NOD2: variants seen among roughly 807,000 people sequenced by gnomAD.
NOD2 encodes nucleotide binding oligomerization domain containing 2.
In NOD2, 86 loss-of-function variants were observed where a neutral mutation model predicts 90.9. The ratio of observed to expected loss-of-function variants is 0.95; its 90% CI spans 0.79 to 1.13. The LOEUF (loss-of-function observed/expected upper bound fraction) is 1.13, where lower values mean the gene tolerates loss of function less well. NOD2 is among the 50% of genes most tolerant of loss of function. The pLI, the probability that NOD2 is intolerant of heterozygous loss-of-function variation, is 0.00. For missense variants in NOD2, 1,238 were observed against 1,283.8 expected (o/e 0.96, Z 0.55); for synonymous variants, 581 against 554.6 (o/e 1.05, Z -0.67).
Position 50,711,944 on chromosome 16 carries a change from T to C in NOD2, c.1952T>C (p.Leu651Pro), listed in dbSNP as rs1477792915. 1 of 1,612,530 alleles carries C rather than the reference T, an allele frequency of 6.2e-7. No individual in the cohort carries two copies. Among genetic ancestry groups the C allele is most frequent in the East Asian group, 2.2e-5 (1 of 44,862 alleles). Residue 651 changes from leucine (L) to proline (P), a missense_variant, in exon 4 of 12, where the codon CTG becomes CCG. Transcript: ENST00000647318. ...AACCTTCAGATCACAGCAGCCTTCC[T>C]GGCAGGGCTGTTGTCCCGGGAGCAC... ...PHNLQITAAF[L>P]AGLLSREHWG...
At position 50,720,000 on chromosome 16, in the gene NOD2, G is replaced by T. The variant is rs200428513; in HGVS notation, c.2625G>T (p.Gln875His). Residue 875 changes from glutamine to histidine, a missense_variant, in exon 7 of 12, where the codon CAG becomes CAT. This residue lies in a region of NOD2 where 667 missense variants were observed against 688.7 expected (regional missense o/e 0.97). Transcript: ENST00000647318. ...AEGLRGNTSL[Q>H]FLGFWGNRVG... is the part of the protein sequence containing the mutation. ...GGCTCCGAGGCAACACCTCCTTGCA[G>T]TTCCTGGGGTAGGTTGGATTCCAGG... is the stretch of plus-strand genomic sequence containing the variant. 1.1e-5 allele frequency: 17 copies of T among 1,614,142 alleles called. No homozygotes were observed. In the Admixed American group the frequency reaches 2.2e-4, roughly 21 times the overall value.
Position 50,710,806 on chromosome 16 carries a change from G to A in NOD2, c.814G>A (p.Gly272Ser), listed in dbSNP as rs1371595174. The change falls in exon 4 of 12, where the codon GGT becomes AGT. Residue 272 changes from glycine to serine, a missense_variant. By Grantham distance (56) the Gly-to-Ser change is moderately conservative (BLOSUM62 0). Coordinates refer to ENST00000647318, the MANE Select transcript of NOD2 (RefSeq NM_001370466.1). ...CGATGCGGACACTGTGCTGGTGGTG[G>A]GTGAGGCGGGCAGTGGCAAGAGCAC... Reference protein sequence around the residue: ...NDDADTVLVVGEAGSGKSTLL... With the variant: ...NDDADTVLVVSEAGSGKSTLL... 6.2e-7 allele frequency: 1 copy of A among 1,613,984 alleles called. No homozygotes were observed. Among genetic ancestry groups the A allele is most frequent in the African/African-American group, 1.3e-5 (1 of 74,914 alleles).
At chr16:50,701,387 G>A (rs1963932141) in intron 2 of NOD2, among the ~76,000 whole-genome samples, 1 of 152,190 alleles carries the variant, frequency 6.6e-6, no homozygotes, top group Non-Finnish European at 1.5e-5. Flanking sequence ...AAATGTATGT[G>A]TTGTTCACAT....
intron 2 of NOD2, among the ~76,000 whole-genome samples, chr16:50,705,173 G>A (rs1363723696): frequency 6.6e-6 from 1 of 152,178 alleles, no homozygotes; most frequent in Non-Finnish European, 1.5e-5. Flanking sequence ...CATTTTTGAT[G>A]TCATGATTTT....
At chr16:50,702,866 C>T (rs1226036270) in intron 2 of NOD2, among the ~76,000 whole-genome samples, 2 of 152,152 alleles carry the variant, frequency 1.3e-5, no homozygotes, top group Non-Finnish European at 2.9e-5. Context: ...TATTCTCTGT[C>T]TGTCATAAAA....
chr16:50,716,594 G>T lies in NOD2; in HGVS notation c.2389G>T (p.Asp797Tyr), dbSNP rs61755272. 1.2e-6 allele frequency: 2 copies of T among 1,613,918 alleles called. No homozygotes were observed. The highest frequency in any genetic ancestry group is 3.3e-5 in the Admixed American group (2 of 60,024). The change falls in exon 5 of 12, where the codon GAT (aspartate) becomes TAT (tyrosine). Residue 797 changes from aspartate to tyrosine, a missense_variant. Transcript: ENST00000647318. ...TTTATTTTGTCTCTTTAGTTTGCGC[G>T]ATAACAATATCTCAGACCGAGGCAT... ...LGVCKALYLR[D>Y]NNISDRGICK... is the part of the protein sequence containing the mutation.
chr16:50,727,810 A>G (rs1262185769), intron 10 of NOD2: 3 of 361,216 alleles, frequency 8.3e-6, no homozygotes, highest in African/African-American at 2.1e-5. Context: ...CTTGCCGAGC[A>G]TACTTCTCAT....
chr16:50,715,796 T>G (rs1043521651), intron 4 of NOD2: 1 of 152,284 alleles, frequency 6.6e-6, no homozygotes, highest in African/African-American at 2.4e-5. Context: ...GCTGAGGCAC[T>G]CCAGAGCCTG....
Position 50,699,688 on chromosome 16 carries a change from G to A in NOD2, c.193G>A (p.Val65Ile), listed in dbSNP as rs187264529. 82 of 1,614,152 alleles carry A rather than the reference G, an allele frequency of 5.1e-5. No homozygotes were observed. The East Asian group carries it at 7.1e-4, about 14-fold the overall frequency. ...CTTGGCCAGGCGCCTTCTGGACACC[G>A]TCTGGAATAAGGGTACTTGGGCCTG... is the stretch of plus-strand genomic sequence containing the variant. Reference protein sequence around the residue: ...SHLARRLLDTVWNKGTWACQK... With the variant: ...SHLARRLLDTIWNKGTWACQK... The change falls in exon 2 of 12, where the codon GTC (valine) becomes ATC (isoleucine). Residue 65 changes from valine to isoleucine, a missense_variant. Physicochemically the swap from Val to Ile is conservative, Grantham distance 29 (BLOSUM62 3). Around this residue, in one of 3 missense-constraint regions of NOD2, gnomAD observed 567 missense variants for 577.3 expected, o/e 0.98. Coordinates refer to ENST00000647318, the MANE Select transcript of NOD2 (RefSeq NM_001370466.1).
chr16:50,722,562 G>A lies in NOD2; in HGVS notation c.2634-60G>A. On this transcript the variant is annotated intron_variant, in intron 7 of 11. Coordinates refer to ENST00000647318, the MANE Select transcript of NOD2 (RefSeq NM_001370466.1). ...AGAGGGAGGAGGACTGTTAGTTCAT[G>A]TCTAGAACACATATCAGGTACTCAC... 5 of 1,489,684 alleles carry A rather than the reference G, an allele frequency of 3.4e-6. No individual in the cohort carries two copies. In the South Asian group the frequency reaches 4.5e-5, roughly 13 times the overall value. The allele number at this position is 1,489,684 out of a possible 1,614,324, so 92.3% of individuals were successfully genotyped here.
intron 2 of NOD2, among the ~76,000 whole-genome samples, chr16:50,702,348 A>G (rs2150787933): frequency 6.6e-6 from 1 of 152,354 alleles, no homozygotes; most frequent in Admixed American, 6.5e-5. Context: ...GGGAGACAAC[A>G]GATCTGAGGA....
chr16:50,708,078 C>A, intron 3 of NOD2, 118 bp downstream of exon 3: 1 of 753,886 alleles, frequency 1.3e-6, no homozygotes. Flanking sequence ...CTCCCTATGA[C>A]TCAATTTCCT....
At chr16:50,721,585 T>C (rs1965064592) in intron 7 of NOD2, among the ~76,000 whole-genome samples, 2 of 152,088 alleles carry the variant, frequency 1.3e-5, no homozygotes, top group African/African-American at 4.8e-5. Flanking sequence ...CTTGAACTCC[T>C]GAGCTCAAGT....
Position 50,699,688 on chromosome 16 carries a change from G to C in NOD2, c.193G>C (p.Val65Leu). The C allele has an allele frequency of 6.2e-7, 1 of 1,614,152 alleles. No homozygotes were observed. The highest frequency in any genetic ancestry group is 8.5e-7 in the Non-Finnish European group (1 of 1,180,032). Reference protein sequence around the residue: ...SHLARRLLDTVWNKGTWACQK... With the variant: ...SHLARRLLDTLWNKGTWACQK... Reference sequence around the variant, plus strand: ...CTTGGCCAGGCGCCTTCTGGACACCGTCTGGAATAAGGGTACTTGGGCCTG... The same window carrying C: ...CTTGGCCAGGCGCCTTCTGGACACCCTCTGGAATAAGGGTACTTGGGCCTG... The change falls in exon 2 of 12, where the codon GTC becomes CTC. Residue 65 changes from valine to leucine, a missense_variant. By Grantham distance (32) the Val-to-Leu change is conservative. Transcript: ENST00000647318.
At chr16:50,704,532 C>CTTTTTTTTTTT (rs71715899) in intron 2 of NOD2, among the ~76,000 whole-genome samples, 2 of 145,574 alleles carry the variant, frequency 1.4e-5, no homozygotes, top group Non-Finnish European at 1.5e-5. Context: ...ATTCCAAAAC[C>CTTTTTTTTTTT]TTTTTTTTTT....
intron 3 of NOD2, 123 bp downstream of exon 3, chr16:50,708,083 T>C (rs1964283641): frequency 1.3e-6 from 1 of 741,124 alleles, no homozygotes; most frequent in African/African-American, 1.7e-5. Flanking sequence ...TATGACTCAA[T>C]TTCCTTGTTT....
intron 2 of NOD2, among the ~76,000 whole-genome samples, chr16:50,706,101 C>T (rs1051345690): frequency 5.3e-5 from 8 of 152,098 alleles, no homozygotes; most frequent in African/African-American, 2.4e-5. Context: ...TGAAGGAGGA[C>T]AGGGAATTAG....
At chr16:50,723,149 AAAAAAG>A in intron 8 of NOD2, 146 bp from the exon 9 acceptor site, 1 of 634,464 alleles carries the variant, frequency 1.6e-6, no homozygotes, top group Non-Finnish European at 2.8e-6. Context: ...GAAAAAAAAA[AAAAAAG>A]AAAAAAGAAA....
At position 50,731,775 on chromosome 16, in the gene NOD2, G is replaced by T; in HGVS notation, c.2998G>T (p.Glu1000Ter). ...CCGAGGGAACACTTTCTCTCTAGAG[G>T]AGGTTGACAAGCTCGGCTGCAGGGA... ...WLRGNTFSLE[E>*]VDKLGCRDTR... Residue 1000 changes from glutamate to a stop codon, truncating the protein, a stop_gained, in exon 12 of 12, where the codon GAG (glutamate) becomes TAG (stop). Transcript: ENST00000647318. LOFTEE classifies it high-confidence loss of function. The T allele has an allele frequency of 6.2e-7, 1 of 1,613,902 alleles. No homozygotes were observed. Among genetic ancestry groups the T allele is most frequent in the Non-Finnish European group, 8.5e-7 (1 of 1,179,796 alleles).
Sources: gnomAD v4.1 joint callset for allele counts (sites outside exome capture counted in the v4.1 genomes callset) on GRCh38, gnomAD v4.1.1 for gene constraint, gnomAD v4.1.1 regional missense constraint, MANE v1.5 for transcripts, NCBI Gene and HGNC (gene_info 2026-07-23, HGNC 2026-07-21) for gene names.